HMCN2: variants seen among roughly 807,000 people sequenced by gnomAD.
The protein encoded by HMCN2 is hemicentin-2.
HMCN2 carries 325 observed loss-of-function variants against 377.5 expected under a neutral mutation model. The observed-to-expected ratio is 0.86, with a 90% CI of 0.79 to 0.94. The LOEUF (loss-of-function observed/expected upper bound fraction) is 0.94. Ranked by LOEUF, HMCN2 falls within the 40% of genes least tolerant of loss-of-function variation. The probability of loss-of-function intolerance (pLI) is 0.00; values close to 1 mark genes in which losing one functional copy is unlikely to be tolerated. For synonymous variants in HMCN2, 2,007 were observed against 2,046.8 expected (o/e 0.98, Z 0.53); for missense variants, 4,543 against 4,725.3 (o/e 0.96, Z 1.13).
intron 40 of HMCN2, 100 bp from the exon 41 acceptor site, chr9:130,364,614 C>A: frequency 1.8e-6 from 1 of 558,120 alleles, no homozygotes; most frequent in Non-Finnish European, 2.3e-6. Context: ...GTGGTCACTC[C>A]TGGCTGCTGC....
chr9:130,337,281 G>A (rs1271383596), intron 22 of HMCN2, among the ~76,000 whole-genome samples: 9 of 152,280 alleles, frequency 5.9e-5, no homozygotes, highest in African/African-American at 1.9e-4. Flanking sequence ...GGCAGCAGGG[G>A]TGGGGGCTCC....
At chr9:130,293,810 A>G (rs115588435) in intron 4 of HMCN2, among the ~76,000 whole-genome samples, 8 of 152,340 alleles carry the variant, frequency 5.3e-5, no homozygotes, top group African/African-American at 1.4e-4. Context: ...CCCGAATCCA[A>G]TAAATGTGAA....
intron 22 of HMCN2, among the ~76,000 whole-genome samples, chr9:130,331,154 CT>C (rs1162342382): frequency 7.7e-6 from 1 of 129,286 alleles, no homozygotes; most frequent in Non-Finnish European, 1.7e-5. Context: ...AAGACTCTGT[CT>C]TAAAAAAAAA....
At chr9:130,420,073 T>C (rs1428273577) in intron 86 of HMCN2, among the ~76,000 whole-genome samples, 1 of 141,680 alleles carries the variant, frequency 7.1e-6, no homozygotes, top group Non-Finnish European at 1.5e-5. Context: ...TTCTTTTTTT[T>C]TTTTTTTTTT....
In HMCN2 at chr9:130,429,640, TG is replaced by T; in HGVS notation, c.14282del (p.Cys4761SerfsTer15). On this transcript the variant is annotated frameshift_variant, in exon 94 of 98. Transcript: ENST00000683500. LOFTEE classifies it high-confidence loss of function. ...ENTPGGHRCS[C>X]PRGYRMQGPS... ...CACCCCAGGCGGTCACCGCTGCAGC[TG>T]CCCCAGGGGTTACCGGATGCAGGGC... 6.5e-7 allele frequency: 1 copy of T among 1,548,608 alleles called. No homozygotes were observed. The highest frequency in any genetic ancestry group is 8.7e-7 in the Non-Finnish European group (1 of 1,146,120).
chr9:130,413,740 T>TGCGCACACAC (rs1186934043), intron 85 of HMCN2, among the ~76,000 whole-genome samples: 44 of 152,096 alleles, frequency 2.9e-4, no homozygotes, highest in African/African-American at 1.0e-3. Flanking sequence ...CATGTGCACG[T>TGCGCACACAC]GCGCACACAC....
At chr9:130,291,141 A>G (rs1476916896) in intron 4 of HMCN2, among the ~76,000 whole-genome samples, 1 of 152,220 alleles carries the variant, frequency 6.6e-6, no homozygotes, top group Non-Finnish European at 1.5e-5. Context: ...GGAGTTGGCA[A>G]GCAACAGTAT....
In HMCN2 at chr9:130,393,625, C is replaced by A; in HGVS notation, c.10235-117C>A. ...GCTGTGGGAGCACAGAGGAGGGCACCTCACCTGGCCTTGGGGGACCAGGGC... is the reference window on the plus strand; with the variant it reads ...GCTGTGGGAGCACAGAGGAGGGCACATCACCTGGCCTTGGGGGACCAGGGC... On this transcript the variant is annotated intron_variant, in intron 67 of 97. Coordinates refer to ENST00000683500, the MANE Select transcript of HMCN2 (RefSeq NM_001291815.2). This position sits in a 1 kb window ranked among gnomAD's most constrained non-coding sequence, Gnocchi z 5.2. 1.0e-6 allele frequency: 1 copy of A among 963,076 alleles called. No homozygotes were observed. Among genetic ancestry groups the A allele is most frequent in the Non-Finnish European group, 1.3e-6 (1 of 745,616 alleles). 59.7% of individuals were successfully genotyped at this position (963,076 alleles called of 1,614,324 possible).
chr9:130,319,143 A>G (rs964751928), intron 15 of HMCN2, among the ~76,000 whole-genome samples: 2,211 of 152,276 alleles, frequency 0.015, 25 homozygotes, highest in Middle Eastern at 0.031. Flanking sequence ...CTCCTATGTC[A>G]GCGGGTCACA....
intron 1 of HMCN2, among the ~76,000 whole-genome samples, chr9:130,271,493 T>A (rs1311113712): frequency 6.0e-5 from 9 of 149,544 alleles, no homozygotes; most frequent in African/African-American, 2.2e-4. Flanking sequence ...CACTTTATTT[T>A]GCTCCTCAAA....
rs1841982567 is a variant in HMCN2, at chr9:130,385,650, A to T, written c.9197A>T (p.Asp3066Val). ...AAAGCTGTCCTGAGCTGCGAGACAG[A>T]TGCGCTCCCTGAGCCAACTGTGACC... Reference protein sequence around the residue: ...GDKAVLSCETDALPEPTVTWY... With the variant: ...GDKAVLSCETVALPEPTVTWY... Residue 3066 changes from aspartate (D) to valine (V), a missense_variant, in exon 60 of 98, where the codon GAT (aspartate) becomes GTT (valine). Transcript: ENST00000683500. The T allele has an allele frequency of 7.7e-7, 1 of 1,304,094 alleles. No homozygotes were observed. The highest frequency in any genetic ancestry group is 5.6e-5 in the East Asian group (1 of 18,006). 80.8% of individuals were successfully genotyped at this position (1,304,094 alleles called of 1,614,324 possible). A position where few individuals can be genotyped will look rare whatever the true frequency, so the allele number is the denominator to read the frequency against.
intron 8 of HMCN2, 66 bp downstream of exon 8, chr9:130,299,354 C>G (rs574641955): frequency 2.6e-6 from 1 of 382,612 alleles, no homozygotes; most frequent in South Asian, 2.0e-5. Context: ...CATCCTGGAG[C>G]CTTCCCTGAC....
At position 130,351,310 on chromosome 9, in the gene HMCN2, G is replaced by C; in HGVS notation, c.4431-113G>C. ...GCCTTTGCATTGCTCCCACCTCTTG[G>C]CGCTAATGAATGGCCCAGCCTCGCT... On this transcript the variant is annotated intron_variant, in intron 29 of 97. Transcript: ENST00000683500. The surrounding 1 kb of genome is among the most constrained non-coding windows in gnomAD (Gnocchi z 5.4). 1.3e-6 allele frequency: 1 copy of C among 773,306 alleles called. No homozygotes were observed. Among genetic ancestry groups the C allele is most frequent in the Non-Finnish European group, 1.8e-6 (1 of 558,372 alleles). 47.9% of individuals were successfully genotyped at this position (773,306 alleles called of 1,614,324 possible).
intron 23 of HMCN2, among the ~76,000 whole-genome samples, chr9:130,339,635 A>G (rs1194599539): frequency 3.9e-5 from 6 of 152,234 alleles, no homozygotes; most frequent in African/African-American, 9.6e-5. Flanking sequence ...TGAGGCCACA[A>G]TAAAGCCCAT....
intron 15 of HMCN2, among the ~76,000 whole-genome samples, chr9:130,317,805 A>C (rs1468356476): frequency 6.2e-5 from 2 of 32,492 alleles, no homozygotes; most frequent in Non-Finnish European, 1.9e-4. Context: ...AAACAAAAAA[A>C]ACACAAACAA....
At position 130,375,676 on chromosome 9, in the gene HMCN2, A is replaced by G. The variant is rs1444440908; in HGVS notation, c.7744A>G (p.Ile2582Val). Residue 2582 changes from isoleucine (I) to valine (V), a missense_variant, in exon 50 of 98, where the codon ATC (isoleucine) becomes GTC (valine). Physicochemically the swap from Ile to Val is conservative, Grantham distance 29. Transcript: ENST00000683500. Reference sequence around the variant, plus strand: ...GGCCCTGGCCTTCCCTTCCCCCAACATCACCTGGATGAAGGACGGGGCCCC... The same window carrying G: ...GGCCCTGGCCTTCCCTTCCCCCAACGTCACCTGGATGAAGGACGGGGCCCC... ...CEALAFPSPNITWMKDGAPFE... is the reference protein window; with the variant it reads ...CEALAFPSPNVTWMKDGAPFE... The G allele has an allele frequency of 1.6e-5, 16 of 985,588 alleles. No homozygotes were observed. The highest frequency in any genetic ancestry group is 1.9e-5 in the Non-Finnish European group (16 of 829,924). The allele number at this position is 985,588 out of a possible 1,614,324, so 61.1% of individuals were successfully genotyped here.
In HMCN2 at chr9:130,299,157, C is replaced by T. The variant is rs1836332573; in HGVS notation, c.1145C>T (p.Thr382Ile). The part of the protein sequence containing the change: ...LPTKPLSNGS[T>I]HQLWGGPPFH... The stretch of plus-strand genomic sequence containing the variant: ...ACGAAGCCCCTCTCCAATGGCTCCA[C>T]CCATCAGCTGTGGGGCGGGCCGCCC... The change falls in exon 8 of 98, where the codon ACC becomes ATC. Residue 382 changes from threonine to isoleucine, a missense_variant. By Grantham distance (89) the Thr-to-Ile change is moderately conservative. Coordinates refer to ENST00000683500, the MANE Select transcript of HMCN2 (RefSeq NM_001291815.2). 2.1e-6 allele frequency: 1 copy of T among 471,236 alleles called. No homozygotes were observed. The highest frequency in any genetic ancestry group is 1.5e-5 in the South Asian group (1 of 64,562). The allele number at this position is 471,236 out of a possible 1,614,324, so 29.2% of individuals were successfully genotyped here.
chr9:130,342,053 AAAT>A, intron 24 of HMCN2, among the ~76,000 whole-genome samples: 2 of 146,162 alleles, frequency 1.4e-5, no homozygotes, highest in African/African-American at 4.9e-5. Flanking sequence ...ATAAATAAAT[AAAT>A]AAATAAAAGC....
chr9:130,316,404 A>T (rs1409477254), intron 15 of HMCN2, among the ~76,000 whole-genome samples: 3 of 140,870 alleles, frequency 2.1e-5, no homozygotes, highest in Admixed American at 7.2e-5. Flanking sequence ...GAAGTCCCAG[A>T]TGTGTGGGTG....
Sources: allele counts gnomAD v4.1 joint callset (sites outside exome capture counted in the v4.1 genomes callset), GRCh38; gene constraint gnomAD v4.1.1; non-coding constraint Gnocchi (gnomAD v3.1); transcripts MANE v1.5; gene names NCBI Gene and HGNC (gene_info 2026-07-23, HGNC 2026-07-21).